LAMA1: variants seen among roughly 807,000 people sequenced by gnomAD.
LAMA1 encodes the protein laminin subunit alpha 1.
Under a neutral mutation model 348.7 loss-of-function variants are expected in LAMA1, and 219 were observed. The ratio of observed to expected loss-of-function variants is 0.63; its 90% CI spans 0.56 to 0.70. The LOEUF is 0.70. Among genes scored for constraint, LAMA1 ranks in the 30% least tolerant of loss-of-function variants. LAMA1 has a pLI of 0.00. For synonymous variants in LAMA1, 1,487 were observed against 1,491.0 expected, an observed-to-expected ratio of 1.00 and a Z score of 0.06; for missense variants, 3,744 against 3,888.0, an observed-to-expected ratio of 0.96 and a Z score of 0.99.
intron 1 of LAMA1, among the ~76,000 whole-genome samples, chr18:7,098,850 G>T (rs1305538195): frequency 3.1e-5 from 4 of 130,470 alleles, no homozygotes; most frequent in East Asian, 2.3e-4. Context: ...AGGTGGGGGG[G>T]TCAGCCCCCC....
chr18:7,114,510 TAAATA>T (rs1221925408), intron 1 of LAMA1, among the ~76,000 whole-genome samples: 1 of 152,234 alleles, frequency 6.6e-6, no homozygotes, highest in African/African-American at 2.4e-5. Flanking sequence ...GTGATGAACA[TAAATA>T]AACTTGCTTG....
At chr18:7,041,427 A>C (rs1343218757) in intron 9 of LAMA1, among the ~76,000 whole-genome samples, 3 of 152,150 alleles carry the variant, frequency 2.0e-5, no homozygotes, top group Non-Finnish European at 4.4e-5. Flanking sequence ...TGCACGTAAG[A>C]ATCAATTCAG....
rs894470653 is a variant in LAMA1, at chr18:7,078,433, C to T, written c.345+1542G>A. Among the ~76,000 whole-genome samples the T allele has an allele frequency of 4.2e-3, 633 of 151,764 alleles. 9 individuals carry two copies. Among genetic ancestry groups the T allele is most frequent in the African/African-American group, 0.014 (598 of 41,470 alleles). Reference sequence around the variant, plus strand: ...CACCCGCCTTGGCCTCCCAAAGTGCCGGGATTACAGGCGTGAGCCACCGCA... The same window carrying T: ...CACCCGCCTTGGCCTCCCAAAGTGCTGGGATTACAGGCGTGAGCCACCGCA... On this transcript the variant is annotated intron_variant, in intron 3 of 62. Coordinates refer to ENST00000389658, the MANE Select transcript of LAMA1 (RefSeq NM_005559.4).
chr18:7,045,589 C>T (rs1190239639), intron 6 of LAMA1, among the ~76,000 whole-genome samples: 1 of 152,046 alleles, frequency 6.6e-6, no homozygotes, highest in Non-Finnish European at 1.5e-5. Flanking sequence ...GACAGAGTCT[C>T]GCTCTGTCAC....
At chr18:7,093,399 G>A (rs921751475) in intron 1 of LAMA1, among the ~76,000 whole-genome samples, 1 of 152,076 alleles carries the variant, frequency 6.6e-6, no homozygotes, top group Non-Finnish European at 1.5e-5. Context: ...CTGGGCGACA[G>A]AGCCAGACTC....
At chr18:6,976,593 T>C (rs866001794) in intron 44 of LAMA1, among the ~76,000 whole-genome samples, 736 of 65,732 alleles carry the variant, frequency 0.011, 12 homozygotes, top group African/African-American at 0.042. Context: ...GGCTTATATT[T>C]ATTTATTTAT....
At chr18:7,114,808 G>A (rs2058349397) in intron 1 of LAMA1, among the ~76,000 whole-genome samples, 1 of 152,014 alleles carries the variant, frequency 6.6e-6, no homozygotes, top group African/African-American at 2.4e-5. Context: ...AAAATGGTAG[G>A]GCATTTCAAG....
intron 22 of LAMA1, among the ~76,000 whole-genome samples, 169 bp downstream of exon 22, chr18:7,015,553 T>A (rs868651406): frequency 6.6e-6 from 1 of 151,774 alleles, no homozygotes. Flanking sequence ...GTGCAGTGAT[T>A]ACAGGTGTGA....
At chr18:7,107,026 C>T (rs1356086972) in intron 1 of LAMA1, among the ~76,000 whole-genome samples, 1 of 152,060 alleles carries the variant, frequency 6.6e-6, no homozygotes, top group Non-Finnish European at 1.5e-5. Context: ...TCACCCCTAA[C>T]TTACATGAAT....
chr18:7,107,475 A>G (rs1423373105), intron 1 of LAMA1, among the ~76,000 whole-genome samples: 4 of 152,112 alleles, frequency 2.6e-5, no homozygotes, highest in Non-Finnish European at 1.5e-5. Flanking sequence ...AAACAAATAC[A>G]CTAAGAATGC....
rs546719997 is a variant in LAMA1, at chr18:6,952,852, C to CTG, written c.8208-1883_8208-1882dup. On this transcript the variant is annotated intron_variant, in intron 57 of 62. Coordinates refer to ENST00000389658, the MANE Select transcript of LAMA1 (RefSeq NM_005559.4). ...TCCACGCCATAGGAGCCATGTCTGC[C>CTG]TGTGTCCAGCGGATCCACGCCATGG... 5.1e-4 allele frequency among the ~76,000 whole-genome samples: 76 copies of CTG among 149,054 alleles called. No individual in the cohort carries two copies. In the East Asian group the frequency reaches 0.015, roughly 29 times the overall value.
At chr18:6,945,012 CA>C in intron 61 of LAMA1, among the ~76,000 whole-genome samples, 1 of 152,146 alleles carries the variant, frequency 6.6e-6, no homozygotes, top group East Asian at 1.9e-4. Flanking sequence ...ACATTGTTTG[CA>C]GCAATTACAC....
intron 1 of LAMA1, among the ~76,000 whole-genome samples, chr18:7,086,536 G>A (rs1405761800): frequency 6.6e-6 from 1 of 151,796 alleles, no homozygotes; most frequent in Non-Finnish European, 1.5e-5. Flanking sequence ...ATGCCCCACT[G>A]CACTTATCAT....
intron 1 of LAMA1, among the ~76,000 whole-genome samples, chr18:7,100,700 G>A (rs8090466): frequency 0.56 from 84,729 of 151,468 alleles, 23,869 homozygotes; most frequent in East Asian, 0.71. Flanking sequence ...CACTAACCGA[G>A]AGAAGTAGAC....
chr18:7,031,763 C>T (rs995490029), intron 16 of LAMA1, among the ~76,000 whole-genome samples: 3 of 151,108 alleles, frequency 2.0e-5, no homozygotes, highest in Non-Finnish European at 4.4e-5. Flanking sequence ...ATTTTTTTAC[C>T]TTTCTATTGC....
intron 12 of LAMA1, among the ~76,000 whole-genome samples, 169 bp downstream of exon 12, chr18:7,037,409 A>G (rs1041859030): frequency 6.6e-6 from 1 of 152,220 alleles, no homozygotes; most frequent in African/African-American, 2.4e-5. Flanking sequence ...AAAGTCTAAC[A>G]AGGCTAGAAA....
chr18:6,975,152 A>G (rs2057676183), intron 45 of LAMA1, 116 bp from the exon 46 acceptor site: 1 of 1,247,012 alleles, frequency 8.0e-7, no homozygotes, highest in Admixed American at 2.7e-5. Flanking sequence ...AAATAAATAC[A>G]TAAAAAGCAA....
At chr18:6,950,720 A>C in intron 58 of LAMA1, 62 bp downstream of exon 58, 3 of 1,574,870 alleles carry the variant, frequency 1.9e-6, no homozygotes, top group Middle Eastern at 2.1e-4. Flanking sequence ...AAATGGAGTG[A>C]ACCCGAGTGA....
chr18:7,089,388 AG>A (rs1219492128), intron 1 of LAMA1, among the ~76,000 whole-genome samples: 2 of 152,202 alleles, frequency 1.3e-5, no homozygotes, highest in African/African-American at 4.8e-5. Flanking sequence ...CTGGTAGGGA[AG>A]GTGCAAGGAG....
Sources: gnomAD v4.1 joint callset for allele counts (sites outside exome capture counted in the v4.1 genomes callset) on GRCh38, gnomAD v4.1.1 for gene constraint, MANE v1.5 for transcripts, NCBI Gene and HGNC (gene_info 2026-07-23, HGNC 2026-07-21) for gene names.